DLGAP2: variants seen among roughly 807,000 people sequenced by gnomAD.
The protein encoded by DLGAP2 is DLG associated protein 2.
DLGAP2 carries 26 observed loss-of-function variants against 100.3 expected under a neutral mutation model. The ratio of observed to expected loss-of-function variants is 0.26; its 90% CI spans 0.19 to 0.36. The LOEUF (loss-of-function observed/expected upper bound fraction) is 0.36, where lower values mean the gene tolerates loss of function less well. Among genes scored for constraint, DLGAP2 ranks in the 10% least tolerant of loss-of-function variants. DLGAP2 has a pLI of 1.00. For synonymous variants in DLGAP2, 886 were observed against 630.1 expected (o/e 1.41, Z -6.08); for missense variants, 1,858 against 1,453.2 (o/e 1.28, Z -4.53).
chr8:1,090,191 C>T (rs1426813397), intron 2 of DLGAP2, among the ~76,000 whole-genome samples: 1 of 146,354 alleles, frequency 6.8e-6, no homozygotes, highest in Non-Finnish European at 1.5e-5. Context: ...CCCCGAGGAC[C>T]TGCTGCCTGT....
chr8:1,580,407 A>G (rs952028162), intron 6 of DLGAP2, among the ~76,000 whole-genome samples: 4 of 152,212 alleles, frequency 2.6e-5, no homozygotes, highest in African/African-American at 9.6e-5. Flanking sequence ...AGATAGGTTC[A>G]TGGAAATTAC....
intron 8 of DLGAP2, among the ~76,000 whole-genome samples, chr8:1,634,435 C>G (rs1009600051): frequency 6.6e-6 from 1 of 152,134 alleles, no homozygotes; most frequent in Non-Finnish European, 1.5e-5. Flanking sequence ...ACAACACATC[C>G]CCCAGGTGCA....
intron 3 of DLGAP2, among the ~76,000 whole-genome samples, chr8:1,499,110 C>G (rs886203562): frequency 6.6e-6 from 1 of 152,248 alleles, no homozygotes; most frequent in Non-Finnish European, 1.5e-5. Flanking sequence ...AACGTCCCCA[C>G]TCCTCATTCT....
At chr8:1,464,836 C>G (rs887252460) in intron 3 of DLGAP2, among the ~76,000 whole-genome samples, 20 of 152,180 alleles carry the variant, frequency 1.3e-4, no homozygotes, top group African/African-American at 4.3e-4. Flanking sequence ...ATTATCATAT[C>G]AGAAGCTGAC....
At chr8:1,357,727 A>C (rs926950867) in intron 3 of DLGAP2, among the ~76,000 whole-genome samples, 1 of 152,156 alleles carries the variant, frequency 6.6e-6, no homozygotes. Context: ...GCAGCACCAC[A>C]CCAGAAGCCT....
chr8:849,260 A>G (rs1192653683), intron 1 of DLGAP2, among the ~76,000 whole-genome samples: 2 of 152,238 alleles, frequency 1.3e-5, no homozygotes, highest in Non-Finnish European at 2.9e-5. Flanking sequence ...TGCACGTTGC[A>G]GCATAGGATC....
chr8:1,065,961 C>T (rs533905621), intron 2 of DLGAP2, among the ~76,000 whole-genome samples: 2 of 152,314 alleles, frequency 1.3e-5, no homozygotes, highest in East Asian at 1.9e-4. Flanking sequence ...GGAGACACTG[C>T]CGAGCTGGAC....
intron 3 of DLGAP2, among the ~76,000 whole-genome samples, chr8:1,338,765 G>C (rs1321183958): frequency 2.0e-5 from 3 of 152,218 alleles, no homozygotes; most frequent in Admixed American, 1.3e-4. Context: ...TACGCACCCT[G>C]TGGAGACTGA....
At chr8:1,423,992 C>T (rs925540148) in intron 3 of DLGAP2, among the ~76,000 whole-genome samples, 2 of 152,172 alleles carry the variant, frequency 1.3e-5, no homozygotes, top group African/African-American at 4.8e-5. Flanking sequence ...ATGAATTCTG[C>T]AAAAATAGCA....
chr8:1,376,377 G>A (rs1323353283), intron 3 of DLGAP2, among the ~76,000 whole-genome samples: 1 of 152,256 alleles, frequency 6.6e-6, no homozygotes, highest in African/African-American at 2.4e-5. Context: ...ACGGGGGCCT[G>A]CAGAGAGAGG....
chr8:1,126,825 C>G (rs1461875993), intron 2 of DLGAP2, among the ~76,000 whole-genome samples: 1 of 152,008 alleles, frequency 6.6e-6, no homozygotes, highest in Non-Finnish European at 1.5e-5. Context: ...CTCTGGAAGG[C>G]ACCACCCCAT....
At chr8:1,620,484 C>G (rs2469743) in intron 6 of DLGAP2, 1 of 152,384 alleles carries the variant, frequency 6.6e-6, no homozygotes, top group Non-Finnish European at 1.5e-5. Context: ...CACACTTGCT[C>G]TGTTCTTTCA....
chr8:1,077,133 C>G (rs771050860), intron 2 of DLGAP2, among the ~76,000 whole-genome samples: 13 of 152,352 alleles, frequency 8.5e-5, no homozygotes, highest in Non-Finnish European at 1.6e-4. Context: ...CGATCCCAGC[C>G]TTCACCTTCA....
At chr8:946,479 G>A (rs534695139) in intron 2 of DLGAP2, among the ~76,000 whole-genome samples, 12 of 152,176 alleles carry the variant, frequency 7.9e-5, no homozygotes, top group Non-Finnish European at 1.5e-4. Context: ...TAGCCAGGAT[G>A]GTCTCGATCT....
At chr8:1,326,381 T>A (rs1463464103) in intron 3 of DLGAP2, among the ~76,000 whole-genome samples, 5 of 152,212 alleles carry the variant, frequency 3.3e-5, no homozygotes, top group Admixed American at 3.3e-4. Flanking sequence ...TACCACATTC[T>A]AACAAAACTC....
intron 2 of DLGAP2, among the ~76,000 whole-genome samples, chr8:971,329 T>C (rs1036857409): frequency 6.6e-6 from 1 of 152,204 alleles, no homozygotes. Flanking sequence ...GTCACCACTG[T>C]TATCCTCCTC....
At chr8:1,026,242 C>T (rs1039900600) in intron 2 of DLGAP2, among the ~76,000 whole-genome samples, 1 of 152,174 alleles carries the variant, frequency 6.6e-6, no homozygotes, top group African/African-American at 2.4e-5. Context: ...TGCCGTCTTC[C>T]GAAGCTTCTC....
intron 1 of DLGAP2, among the ~76,000 whole-genome samples, chr8:799,231 C>G (rs1164863275): frequency 6.6e-6 from 1 of 152,172 alleles, no homozygotes; most frequent in Non-Finnish European, 1.5e-5. Context: ...GGCTCCTTCC[C>G]TCGTCAGCAC....
chr8:951,452 T>A (rs1024517700), intron 2 of DLGAP2, among the ~76,000 whole-genome samples: 3 of 152,210 alleles, frequency 2.0e-5, no homozygotes, highest in Admixed American at 6.5e-5. Flanking sequence ...GGTTTTGCCA[T>A]GTTGGCCAGG....
Sources: allele counts gnomAD v4.1 joint callset (sites outside exome capture counted in the v4.1 genomes callset), GRCh38; gene constraint gnomAD v4.1.1; transcripts MANE v1.5; gene names NCBI Gene and HGNC (gene_info 2026-07-23, HGNC 2026-07-21).